Variants in ELF1 observed in about 807,000 individuals in gnomAD.
The protein encoded by ELF1 is ETS-related transcription factor Elf-1.
In ELF1, 24 loss-of-function variants were observed where a neutral mutation model predicts 59.9. The observed-to-expected ratio is 0.40, with a 90% CI of 0.29 to 0.56. The LOEUF is 0.56. Among genes scored for constraint, ELF1 ranks in the 20% least tolerant of loss-of-function variants. The probability of loss-of-function intolerance (pLI) is 0.44; values close to 1 mark genes in which losing one functional copy is unlikely to be tolerated. For missense variants in ELF1, 627 were observed against 742.2 expected (o/e 0.84, Z 1.80); for synonymous variants, 248 against 266.2 (o/e 0.93, Z 0.67).
At chr13:40,934,840 A>C (rs1388806472) in intron 8 of ELF1, among the ~76,000 whole-genome samples, 1 of 152,206 alleles carries the variant, frequency 6.6e-6, no homozygotes, top group Non-Finnish European at 1.5e-5. Flanking sequence ...TAATTAACCT[A>C]AACAAAAAAC....
chr13:41,057,695 A>C (rs1877339291), intron 1 of ELF1, among the ~76,000 whole-genome samples: 2 of 152,212 alleles, frequency 1.3e-5, no homozygotes. Flanking sequence ...TTCTAATTAC[A>C]CCTAACAGTA....
Position 40,933,622 on chromosome 13 carries a change from A to T in ELF1, c.1663T>A (p.Ser555Thr). The T allele has an allele frequency of 1.2e-6, 2 of 1,614,218 alleles. No individual in the cohort carries two copies. The highest frequency in any genetic ancestry group is 1.7e-6 in the Non-Finnish European group (2 of 1,180,048). ...TTTGTTTCTTGAGTTTTGATAACTGAAGTGATTACAGTGCCAGGTGGGTGA... is the reference window on the plus strand; with the variant it reads ...TTTGTTTCTTGAGTTTTGATAACTGTAGTGATTACAGTGCCAGGTGGGTGA... ...VAHPPGTVIT[S>T]VIKTQETKTL... Residue 555 changes from serine (S) to threonine (T), a missense_variant, in exon 9 of 9, where the codon TCA becomes ACA. Transcript: ENST00000239882.
chr13:41,055,376 A>T (rs931426440), intron 1 of ELF1, among the ~76,000 whole-genome samples: 2 of 150,606 alleles, frequency 1.3e-5, no homozygotes, highest in Non-Finnish European at 3.0e-5. Context: ...CTTCCTCTCA[A>T]TGCCTTGTCC....
chr13:41,057,042 A>C (rs956515041), intron 1 of ELF1, among the ~76,000 whole-genome samples: 19 of 152,224 alleles, frequency 1.2e-4, no homozygotes, highest in African/African-American at 4.1e-4. Context: ...CTATGAGACC[A>C]TGATAAGGTC....
At position 41,004,287 on chromosome 13, in the gene ELF1, G is replaced by A. The variant is rs1282863018; in HGVS notation, c.-229+14941C>T. Among the ~76,000 whole-genome samples, 6 of 151,854 alleles carry A rather than the reference G, an allele frequency of 4.0e-5. No homozygotes were observed. In the East Asian group the frequency reaches 9.7e-4, roughly 25 times the overall value. Reference sequence around the variant, plus strand: ...AAAAAACTTCATAAGGAAGTAACATGTTACTTATTTCTAAAGAAATAGCCC... The same window carrying A: ...AAAAAACTTCATAAGGAAGTAACATATTACTTATTTCTAAAGAAATAGCCC... On this transcript the variant is annotated intron_variant, in intron 1 of 8. Transcript: ENST00000239882.
At chr13:40,982,560 A>T (rs1873339044) in intron 1 of ELF1, among the ~76,000 whole-genome samples, 1 of 151,538 alleles carries the variant, frequency 6.6e-6, no homozygotes, top group African/African-American at 2.4e-5. Context: ...TAAAAAAAAA[A>T]AAAAGGTCAA....
rs1246032154 is a variant in ELF1, at chr13:40,951,380, C to T, written c.310G>A (p.Ala104Thr). 1 of 1,613,834 alleles carries T rather than the reference C, an allele frequency of 6.2e-7. No homozygotes were observed. ...ETIETIEAAE[A>T]LLNMDSPGPM... is the part of the protein sequence containing the mutation. ...CCAGGGGAATCCATATTGAGGAGTG[C>T]CTCAGCAGCCTCAATAGTTTCAATT... The change falls in exon 4 of 9, where the codon GCA becomes ACA. Residue 104 changes from alanine (A) to threonine (T), a missense_variant. Physicochemically the swap from Ala to Thr is moderately conservative, Grantham distance 58 (BLOSUM62 0). Transcript: ENST00000239882.
intron 2 of ELF1, among the ~76,000 whole-genome samples, chr13:40,967,411 T>C (rs1229704138): frequency 6.6e-6 from 1 of 152,216 alleles, no homozygotes; most frequent in Non-Finnish European, 1.5e-5. Flanking sequence ...AAAATAAGAA[T>C]AATAGTATCT....
intron 1 of ELF1, among the ~76,000 whole-genome samples, chr13:40,997,261 C>A (rs1447948150): frequency 1.3e-5 from 2 of 151,512 alleles, no homozygotes; most frequent in Non-Finnish European, 1.5e-5. Flanking sequence ...TTATTTTAAT[C>A]TTTTTTTTTC....
intron 1 of ELF1, among the ~76,000 whole-genome samples, chr13:41,016,950 ATATATATATATATATATAT>A (rs1875434674): frequency 1.7e-5 from 1 of 58,348 alleles, no homozygotes. Context: ...AAAAAAAAAT[ATATATATATATATATATAT>A]ATATATATAT....
At chr13:40,996,986 A>C (rs1342979802) in intron 1 of ELF1, among the ~76,000 whole-genome samples, 2 of 152,098 alleles carry the variant, frequency 1.3e-5, no homozygotes, top group Non-Finnish European at 2.9e-5. Flanking sequence ...ACTCACTGCC[A>C]CCGAATCCAG....
intron 8 of ELF1, among the ~76,000 whole-genome samples, chr13:40,937,279 A>T (rs983973746): frequency 6.6e-5 from 10 of 152,358 alleles, no homozygotes; most frequent in African/African-American, 2.4e-4. Context: ...CAATTTATCA[A>T]AATTTCTGAA....
chr13:41,008,065 G>A (rs1874853901), intron 1 of ELF1, among the ~76,000 whole-genome samples: 2 of 152,154 alleles, frequency 1.3e-5, no homozygotes, highest in Non-Finnish European at 1.5e-5. Flanking sequence ...TGTCTTTGAA[G>A]AAGAGTAAAA....
intron 1 of ELF1, among the ~76,000 whole-genome samples, chr13:40,989,828 C>T (rs1414210898): frequency 6.6e-6 from 1 of 152,016 alleles, no homozygotes; most frequent in Non-Finnish European, 1.5e-5. Flanking sequence ...AAAACTGATT[C>T]TAGGAAGGGG....
chr13:41,040,972 T>G (rs1189667310), intron 1 of ELF1, among the ~76,000 whole-genome samples: 1 of 152,144 alleles, frequency 6.6e-6, no homozygotes, highest in Non-Finnish European at 1.5e-5. Flanking sequence ...TGACAAAGAA[T>G]GACCAGGAAA....
chr13:41,036,082 T>C (rs1775588167), intron 1 of ELF1, among the ~76,000 whole-genome samples: 3 of 151,652 alleles, frequency 2.0e-5, no homozygotes, highest in East Asian at 3.9e-4. Context: ...TTTTTTTTTG[T>C]TGTTGTTGTA....
At chr13:41,017,061 C>T (rs1421624877) in intron 1 of ELF1, among the ~76,000 whole-genome samples, 1 of 140,544 alleles carries the variant, frequency 7.1e-6, no homozygotes, top group East Asian at 2.2e-4. Context: ...ATATTTCCAT[C>T]TAAAGCCATC....
chr13:41,020,980 C>G (rs377543893), upstream of ELF1, among the ~76,000 whole-genome samples: 5 of 152,134 alleles, frequency 3.3e-5, no homozygotes, highest in East Asian at 9.6e-4. Flanking sequence ...AAAAACCCAC[C>G]TTACAAAACT....
At chr13:40,991,281 A>C (rs1453175724) in intron 1 of ELF1, among the ~76,000 whole-genome samples, 1 of 152,230 alleles carries the variant, frequency 6.6e-6, no homozygotes, top group Non-Finnish European at 1.5e-5. Flanking sequence ...ATCTGAATAA[A>C]GTATGAACTT....
Sources: allele counts gnomAD v4.1 joint callset (sites outside exome capture counted in the v4.1 genomes callset), GRCh38; gene constraint gnomAD v4.1.1; transcripts MANE v1.5; gene names NCBI Gene and HGNC (gene_info 2026-07-23, HGNC 2026-07-21).